Variants in IL7 observed in about 807,000 individuals in gnomAD.
IL7 encodes interleukin-7.
Under a neutral mutation model 21.6 loss-of-function variants are expected in IL7, and 3 were observed. The ratio of observed to expected loss-of-function variants is 0.14; its 90% CI spans 0.06 to 0.36. The LOEUF is 0.36. Ranked by LOEUF, IL7 falls within the 10% of genes least tolerant of loss-of-function variation. IL7 has a pLI of 1.00. For synonymous variants in IL7, 62 were observed against 68.1 expected (o/e 0.91, Z 0.44); for missense variants, 175 against 200.2 (o/e 0.87, Z 0.76).
In IL7 at chr8:78,681,916, C is replaced by CT. The variant is rs1033212677; in HGVS notation, n.273+3972dup. Among the ~76,000 whole-genome samples, 355 of 81,394 alleles carry CT rather than the reference C, an allele frequency of 4.4e-3. 2 individuals are homozygous for CT. The highest frequency in any genetic ancestry group is 0.016 in the African/African-American group (330 of 21,226). 53.4% of individuals were successfully genotyped at this position (81,394 alleles called of 152,430 possible). On this transcript the variant is annotated intron_variant and non_coding_transcript_variant, in intron 4 of 4. Coordinates refer to the IL7 transcript ENST00000523959. Reference sequence around the variant, plus strand: ...CTTTTTCTTTCTTTTTTTTTTTTTTCTTTTTTTTGAGACAGGGATCTTACT... The same window carrying CT: ...CTTTTTCTTTCTTTTTTTTTTTTTTCTTTTTTTTTGAGACAGGGATCTTACT...
At position 78,691,082 on chromosome 8, in the gene IL7, T is replaced by C. The variant is rs1032204866; in HGVS notation, n.215-5135A>G. 5.9e-5 allele frequency among the ~76,000 whole-genome samples: 9 copies of C among 152,286 alleles called. No individual in the cohort carries two copies. In the East Asian group the frequency reaches 1.7e-3, roughly 29 times the overall value. ...TTTGGCTTTTATTTCTTTTTTGTGATTTACTGCATGGGCTAGACTAATGTT... is the reference window on the plus strand; with the variant it reads ...TTTGGCTTTTATTTCTTTTTTGTGACTTACTGCATGGGCTAGACTAATGTT... On this transcript the variant is annotated intron_variant and non_coding_transcript_variant, in intron 3 of 4. Coordinates refer to the IL7 transcript ENST00000523959.
At chr8:78,719,254 T>G (rs1811192041) in intron 5 of IL7, 1 of 151,758 alleles carries the variant, frequency 6.6e-6, no homozygotes, top group African/African-American at 2.4e-5. Context: ...GACCACATAA[T>G]TCTTTTTGTC....
intron 2 of IL7, among the ~76,000 whole-genome samples, chr8:78,773,912 CA>C (rs1336964113): frequency 6.6e-6 from 1 of 151,990 alleles, no homozygotes; most frequent in Non-Finnish European, 1.5e-5. Flanking sequence ...TGCCTCATTG[CA>C]AATATGCAAC....
chr8:78,779,449 G>T (rs559952921), intron 2 of IL7, among the ~76,000 whole-genome samples: 2 of 152,118 alleles, frequency 1.3e-5, no homozygotes, highest in African/African-American at 4.8e-5. Context: ...AACATGGGGG[G>T]ATGTTGAATT....
rs949789919 is a variant in IL7 at position 78,682,582 on chromosome 8, C to T, written n.273+3307G>A. Among the ~76,000 whole-genome samples the T allele has an allele frequency of 2.0e-5, 3 of 152,188 alleles. No individual in the cohort carries two copies. The East Asian group carries it at 5.8e-4, about 29-fold the overall frequency. On this transcript the variant is annotated intron_variant and non_coding_transcript_variant, in intron 4 of 4. Transcript: ENST00000523959. ...GATTCAATTACCTCCCAATGGGTTC[C>T]TCCCACAACCTGTGGGGATTATGAG...
chr8:78,765,518 A>G (rs1298102003), intron 2 of IL7, among the ~76,000 whole-genome samples: 1 of 152,150 alleles, frequency 6.6e-6, no homozygotes, highest in Non-Finnish European at 1.5e-5. Flanking sequence ...AAAATTGGCA[A>G]AAAACCTGAA....
chr8:78,734,268 G>T lies in IL7; in HGVS notation c.415-436C>A, dbSNP rs192735347. Among the ~76,000 whole-genome samples, 43 of 152,220 alleles carry T rather than the reference G, an allele frequency of 2.8e-4. 1 individual carries two copies. Among genetic ancestry groups the T allele is most frequent in the Non-Finnish European group, 4.7e-4 (32 of 67,992 alleles). On this transcript the variant is annotated intron_variant, in intron 5 of 5. Coordinates refer to ENST00000263851, the MANE Select transcript of IL7 (RefSeq NM_000880.4). Reference sequence around the variant, plus strand: ...TAGCTGATGGAACTTGTACCCTAAGGTCTCCTCCAACAACTAACCTTCACC... The same window carrying T: ...TAGCTGATGGAACTTGTACCCTAAGTTCTCCTCCAACAACTAACCTTCACC...
chr8:78,731,522 T>A (rs143542451), downstream of IL7, among the ~76,000 whole-genome samples: 13 of 152,086 alleles, frequency 8.5e-5, no homozygotes, highest in Non-Finnish European at 1.5e-4. Context: ...AAAATAAGTA[T>A]CTTCCCTCCT....
At chr8:78,774,592 G>T (rs1299002504) in intron 2 of IL7, among the ~76,000 whole-genome samples, 1 of 151,874 alleles carries the variant, frequency 6.6e-6, no homozygotes, top group African/African-American at 2.4e-5. Context: ...CAATTTATTG[G>T]CACTGTGCTT....
At chr8:78,760,444 G>T (rs1812513775) in intron 2 of IL7, 23 of 1,575,742 alleles carry the variant, frequency 1.5e-5, no homozygotes, top group Non-Finnish European at 2.0e-5. Flanking sequence ...CTTCATAGAT[G>T]GTGGACGGAA....
chr8:78,804,270 A>C (rs1038793121), intron 1 of IL7, among the ~76,000 whole-genome samples: 3 of 152,118 alleles, frequency 2.0e-5, no homozygotes, highest in Non-Finnish European at 4.4e-5. Flanking sequence ...AGGAAAAAAT[A>C]ACAACAAAAA....
At chr8:78,801,853 G>T (rs933481767) in intron 1 of IL7, among the ~76,000 whole-genome samples, 6 of 152,158 alleles carry the variant, frequency 3.9e-5, no homozygotes, top group African/African-American at 1.2e-4. Context: ...CATTAATGAT[G>T]TAGCTTGGTA....
At chr8:78,686,737 G>A (rs1035830233) in intron 3 of IL7, 9 of 975,462 alleles carry the variant, frequency 9.2e-6, no homozygotes, top group Middle Eastern at 7.5e-4. Flanking sequence ...TTAAAATTTG[G>A]TGTAAAATGG....
chr8:78,767,566 C>G (rs1812794463), intron 2 of IL7, among the ~76,000 whole-genome samples: 1 of 151,964 alleles, frequency 6.6e-6, no homozygotes, highest in Non-Finnish European at 1.5e-5. Flanking sequence ...GATTTATCAT[C>G]TTTTTAGCTT....
intron 2 of IL7, among the ~76,000 whole-genome samples, chr8:78,740,891 G>C (rs578238879): frequency 6.6e-5 from 10 of 152,180 alleles, no homozygotes; most frequent in African/African-American, 2.4e-4. Context: ...TACAAGGAAT[G>C]TAGTAGAAGA....
intron 2 of IL7, among the ~76,000 whole-genome samples, chr8:78,741,295 C>T (rs1176282232): frequency 6.6e-6 from 1 of 152,198 alleles, no homozygotes; most frequent in Non-Finnish European, 1.5e-5. Flanking sequence ...ACTATCTTCA[C>T]ATTGCCATTG....
At chr8:78,770,172 A>C (rs1042555583) in intron 2 of IL7, among the ~76,000 whole-genome samples, 7 of 152,356 alleles carry the variant, frequency 4.6e-5, no homozygotes, top group African/African-American at 1.4e-4. Flanking sequence ...AACAAAAGCC[A>C]AATGGACTAA....
chr8:78,708,200 C>G (rs986429760), intron 3 of IL7, among the ~76,000 whole-genome samples: 1 of 152,104 alleles, frequency 6.6e-6, no homozygotes, highest in African/African-American at 2.4e-5. Flanking sequence ...ATTGAGCATT[C>G]GCTGAGATTA....
At chr8:78,739,093 A>C (rs1215743140) in intron 3 of IL7, among the ~76,000 whole-genome samples, 1 of 152,126 alleles carries the variant, frequency 6.6e-6, no homozygotes, top group Non-Finnish European at 1.5e-5. Flanking sequence ...CTAAAACATA[A>C]GTTTTGCAGA....
Sources: allele counts gnomAD v4.1 joint callset (sites outside exome capture counted in the v4.1 genomes callset), GRCh38; gene constraint gnomAD v4.1.1; transcripts MANE v1.5; gene names NCBI Gene and HGNC (gene_info 2026-07-23, HGNC 2026-07-21).